Variants in RNF128 observed in about 807,000 individuals in gnomAD.
RNF128 encodes E3 ubiquitin-protein ligase RNF128.
Under a neutral mutation model 26.2 loss-of-function variants are expected in RNF128, and 13 were observed. That is an observed-to-expected ratio of 0.50 (90% CI 0.32 to 0.79). The LOEUF (loss-of-function observed/expected upper bound fraction) is 0.79. Ranked by LOEUF, RNF128 falls within the 30% of genes least tolerant of loss-of-function variation. The pLI is 0.03. For synonymous variants in RNF128, 149 were observed against 142.5 expected (o/e 1.05, Z -0.32); for missense variants, 315 against 349.7 (o/e 0.90, Z 0.79).
At chrX:106,763,632 G>A (rs1433186046) in intron 1 of RNF128, among the ~76,000 whole-genome samples, 1 of 105,329 alleles carries the variant, frequency 9.5e-6, no homozygotes, top group Non-Finnish European at 2.0e-5. Context: ...TCAGCCTCCC[G>A]AGTAGCTGGG....
chrX:106,760,029 TCAAA>T (rs1247625644), intron 1 of RNF128, among the ~76,000 whole-genome samples: 2 of 111,586 alleles, frequency 1.8e-5, no homozygotes, highest in Non-Finnish European at 3.8e-5. Context: ...TATGTCTGTA[TCAAA>T]ATATCTCATG....
At chrX:106,777,919 G>A (rs1461305147) in intron 2 of RNF128, among the ~76,000 whole-genome samples, 4 of 111,534 alleles carry the variant, frequency 3.6e-5, no homozygotes, top group African/African-American at 1.3e-4. Flanking sequence ...GCAGTGAGCC[G>A]AGATCATGCC....
chrX:106,706,192 G>T (rs113522274), intron 1 of RNF128, among the ~76,000 whole-genome samples: 4 of 111,313 alleles, frequency 3.6e-5, no homozygotes, highest in Non-Finnish European at 5.7e-5. Flanking sequence ...CTTGGCCAAG[G>T]GTAGCTTTGC....
intron 1 of RNF128, among the ~76,000 whole-genome samples, chrX:106,721,401 A>T (rs1202562426): frequency 8.9e-6 from 1 of 112,323 alleles, no homozygotes; most frequent in East Asian, 2.8e-4. Context: ...ACTATCATCC[A>T]TCTCAACATC....
chrX:106,758,119 G>C (rs1930057753), intron 1 of RNF128, among the ~76,000 whole-genome samples: 2 of 112,472 alleles, frequency 1.8e-5, no homozygotes, highest in African/African-American at 6.5e-5. Flanking sequence ...TAAATCAGTA[G>C]TATTTCTAGA....
intron 1 of RNF128, among the ~76,000 whole-genome samples, chrX:106,705,268 A>G (rs1032510201): frequency 8.9e-6 from 1 of 112,137 alleles, no homozygotes; most frequent in African/African-American, 3.2e-5. Flanking sequence ...GGAAATCATT[A>G]TAAGAAACAA....
chrX:106,791,823 T>C (rs1194350276), intron 6 of RNF128, among the ~76,000 whole-genome samples: 1 of 111,393 alleles, frequency 9.0e-6, no homozygotes, highest in East Asian at 2.8e-4. Context: ...AAATGAGAAA[T>C]TTTAGGGAGT....
At chrX:106,729,065 A>C (rs1929457132) in intron 1 of RNF128, among the ~76,000 whole-genome samples, 1 of 112,102 alleles carries the variant, frequency 8.9e-6, no homozygotes, top group Non-Finnish European at 1.9e-5. Context: ...TGCATGAATG[A>C]TTTGTAATTG....
chrX:106,694,235 G>C (rs767571463), exon 1 of RNF128: 1 of 1,208,907 alleles, frequency 8.3e-7, no homozygotes, highest in Non-Finnish European at 1.1e-6. Flanking sequence ...TACCAAGCTT[G>C]TGACCACAAC....
chrX:106,773,197 T>A (rs1930407901), intron 2 of RNF128, 37 bp downstream of exon 2: 17 of 1,158,557 alleles, frequency 1.5e-5, no homozygotes, highest in African/African-American at 1.8e-5. Flanking sequence ...TTAAAAAAAA[T>A]TTACTGTTCT....
intron 1 of RNF128, 128 bp downstream of exon 1, chrX:106,727,525 G>T: frequency 6.8e-6 from 6 of 878,513 alleles, no homozygotes; most frequent in Non-Finnish European, 9.5e-6. Flanking sequence ...CTGTCCCCAC[G>T]GAGTGGGGCA....
chrX:106,746,032 A>C (rs751389606), intron 1 of RNF128, among the ~76,000 whole-genome samples: 1 of 111,263 alleles, frequency 9.0e-6, no homozygotes, highest in Non-Finnish European at 1.9e-5. Flanking sequence ...AGATTTTATA[A>C]TGGAGGAAAT....
At position 106,788,018 on chromosome X, in the gene RNF128, C is replaced by G. The variant is rs747545487; in HGVS notation, c.887+18C>G. On this transcript the variant is annotated intron_variant, in intron 4 of 6. Coordinates refer to ENST00000255499, the MANE Select transcript of RNF128 (RefSeq NM_194463.2). ...ACGTGCAAGTAAGTTTGATTTTCTT[C>G]TATATCTTCAATAAAATAGCTGACC... 3.0e-6 allele frequency: 3 copies of G among 1,013,614 alleles called. No individual in the cohort carries two copies. The highest frequency in any genetic ancestry group is 3.9e-5 in the African/African-American group (2 of 50,799). 83.5% of individuals were successfully genotyped at this position (1,013,614 alleles called of 1,213,427 possible). A position where few individuals can be genotyped will look rare whatever the true frequency, so the allele number is the denominator to read the frequency against.
chrX:106,769,162 A>G (rs1490891345), intron 1 of RNF128, among the ~76,000 whole-genome samples: 2 of 111,773 alleles, frequency 1.8e-5, no homozygotes, highest in African/African-American at 6.5e-5. Context: ...AATATGTGTT[A>G]TGTGGTGCTG....
chrX:106,763,661 C>T (rs991435990), intron 1 of RNF128, among the ~76,000 whole-genome samples: 4 of 110,844 alleles, frequency 3.6e-5, no homozygotes, highest in South Asian at 7.7e-4. Flanking sequence ...CGCCCGCCAC[C>T]ACGCCCGGCT....
intron 1 of RNF128, among the ~76,000 whole-genome samples, chrX:106,738,631 A>G (rs1302249068): frequency 8.9e-6 from 1 of 111,923 alleles, no homozygotes; most frequent in Non-Finnish European, 1.9e-5. Flanking sequence ...GGAAATGGCT[A>G]TGACCCTTTT....
rs1022352039 is a variant in RNF128 at position 106,729,079 on chromosome X, A to C, written c.484+1682A>C. 4.5e-5 allele frequency among the ~76,000 whole-genome samples: 5 copies of C among 112,117 alleles called. No homozygotes were observed. The East Asian group carries it at 8.4e-4, about 19-fold the overall frequency. On this transcript the variant is annotated intron_variant, in intron 1 of 6. Coordinates refer to ENST00000255499, the MANE Select transcript of RNF128 (RefSeq NM_194463.2). ...TTGCATGAATGATTTGTAATTGAAG[A>C]GTATTTAATTACAGAGTCCTACTTA...
intron 3 of RNF128, 95 bp downstream of exon 3, chrX:106,785,231 C>A: frequency 1.5e-6 from 1 of 662,514 alleles, no homozygotes; most frequent in African/African-American, 2.2e-5. Context: ...CTTTTATTGG[C>A]ATTTATGAAC....
intron 1 of RNF128, among the ~76,000 whole-genome samples, chrX:106,761,680 C>T (rs1930122910): frequency 9.0e-6 from 1 of 111,084 alleles, no homozygotes; most frequent in Non-Finnish European, 1.9e-5. Context: ...CTTTTCTTAA[C>T]TGTTCATTCT....
Sources: gnomAD v4.1 joint callset for allele counts (sites outside exome capture counted in the v4.1 genomes callset) on GRCh38, gnomAD v4.1.1 for gene constraint, MANE v1.5 for transcripts, NCBI Gene and HGNC (gene_info 2026-07-23, HGNC 2026-07-21) for gene names.